The following CASK variants were observed in gnomAD, a reference collection of about 807,000 sequenced individuals.
CASK encodes calcium/calmodulin dependent serine protein kinase.
CASK carries 4 observed loss-of-function variants against 82.9 expected under a neutral mutation model. The ratio of observed to expected loss-of-function variants is 0.05; its 90% CI spans 0.02 to 0.11. The LOEUF (loss-of-function observed/expected upper bound fraction) is 0.11, where lower values mean the gene tolerates loss of function less well. Ranked by LOEUF, CASK falls within the 10% of genes least tolerant of loss-of-function variation. The pLI is 1.00. For synonymous variants in CASK, 259 were observed against 253.5 expected (o/e 1.02, Z -0.20); for missense variants, 358 against 720.9 (o/e 0.50, Z 5.76).
rs201118748 is a variant in CASK at position 41,695,832 on chromosome X, G to C, written c.430-24302C>G. The C allele has an allele frequency of 7.5e-6, 9 of 1,201,352 alleles. No individual in the cohort carries two copies. The Admixed American group carries it at 1.3e-4, about 18-fold the overall frequency. On this transcript the variant is annotated intron_variant, in intron 5 of 26. Coordinates refer to ENST00000378163, the MANE Select transcript of CASK (RefSeq NM_001367721.1). ...CACATCCTACTCTGTTATTTTCATC[G>C]TGGGACTGGTTGGGAACATAATCGC... is the stretch of plus-strand genomic sequence containing the variant.
At chrX:41,831,401 G>A (rs1393364832) in intron 2 of CASK, among the ~76,000 whole-genome samples, 1 of 111,530 alleles carries the variant, frequency 9.0e-6, no homozygotes, top group Non-Finnish European at 1.9e-5. Context: ...TTTTTGCAGG[G>A]TTTCTCTGAA....
chrX:41,534,426 CA>C (rs1699742815), intron 24 of CASK, among the ~76,000 whole-genome samples: 1 of 109,086 alleles, frequency 9.2e-6, no homozygotes, highest in Non-Finnish European at 1.9e-5. Context: ...CACACACACA[CA>C]CACACACTTT....
chrX:41,644,440 G>T (rs2066718631), intron 8 of CASK, among the ~76,000 whole-genome samples: 1 of 111,941 alleles, frequency 8.9e-6, no homozygotes, highest in South Asian at 3.7e-4. Flanking sequence ...TCCTATGCCT[G>T]TCTTTACTTT....
intron 2 of CASK, among the ~76,000 whole-genome samples, chrX:41,806,916 T>C (rs1030858241): frequency 1.8e-5 from 2 of 111,489 alleles, no homozygotes; most frequent in African/African-American, 6.5e-5. Flanking sequence ...ATAGAAAACA[T>C]ACTTCTTTGA....
chrX:41,803,235 G>A (rs1054015223), intron 2 of CASK, among the ~76,000 whole-genome samples: 2 of 110,996 alleles, frequency 1.8e-5, no homozygotes, highest in Admixed American at 9.6e-5. Context: ...TGAATGTACC[G>A]AGGAAAGTTA....
At chrX:41,680,385 G>A (rs1046212380) in intron 5 of CASK, among the ~76,000 whole-genome samples, 6 of 109,592 alleles carry the variant, frequency 5.5e-5, no homozygotes, top group African/African-American at 2.0e-4. Context: ...AGGAGGCTGA[G>A]GCAGGAGAAT....
At chrX:41,537,040 A>T (rs1401760186) in intron 22 of CASK, among the ~76,000 whole-genome samples, 1 of 112,161 alleles carries the variant, frequency 8.9e-6, no homozygotes, top group East Asian at 2.8e-4. Flanking sequence ...ATGATGACAC[A>T]AGCTTTCCGA....
chrX:41,753,307 T>TA (rs1347512081), intron 3 of CASK, among the ~76,000 whole-genome samples: 1,047 of 103,844 alleles, frequency 0.01, 16 homozygotes, highest in African/African-American at 0.034. Context: ...TCAGTTCTGT[T>TA]AAAAAAAAAA....
chrX:41,538,145 C>T, intron 22 of CASK, among the ~76,000 whole-genome samples: 1 of 111,302 alleles, frequency 9.0e-6, no homozygotes. Context: ...TGCGCACAGC[C>T]TATTATTATT....
At chrX:41,679,690 C>T (rs1236641386) in intron 5 of CASK, among the ~76,000 whole-genome samples, 1 of 111,092 alleles carries the variant, frequency 9.0e-6, no homozygotes, top group Non-Finnish European at 1.9e-5. Context: ...TAATCAGTTG[C>T]TGCCTTTACA....
At chrX:41,680,463 A>G (rs2067333666) in intron 5 of CASK, among the ~76,000 whole-genome samples, 1 of 108,765 alleles carries the variant, frequency 9.2e-6, no homozygotes, top group South Asian at 4.0e-4. Flanking sequence ...GCCTGGCGAC[A>G]AAGCGAGACT....
At chrX:41,651,466 A>G (rs1222815364) in intron 8 of CASK, among the ~76,000 whole-genome samples, 1 of 112,222 alleles carries the variant, frequency 8.9e-6, no homozygotes, top group Admixed American at 9.4e-5. Flanking sequence ...TGAGTATCAG[A>G]GAGGTGAATG....
At chrX:41,646,784 G>A (rs1040417382) in intron 8 of CASK, among the ~76,000 whole-genome samples, 1 of 111,080 alleles carries the variant, frequency 9.0e-6, no homozygotes, top group Non-Finnish European at 1.9e-5. Flanking sequence ...CAAACCGTCC[G>A]ATGCATCAAT....
chrX:41,652,420 C>G (rs2066878123), intron 8 of CASK, among the ~76,000 whole-genome samples: 1 of 112,147 alleles, frequency 8.9e-6, no homozygotes, highest in Non-Finnish European at 1.9e-5. Context: ...TGGTCTACAG[C>G]TCCGTTTCCT....
chrX:41,613,629 T>TAAAAAA (rs767946526), intron 11 of CASK, among the ~76,000 whole-genome samples: 1 of 49,894 alleles, frequency 2.0e-5, no homozygotes, highest in Non-Finnish European at 4.0e-5. Flanking sequence ...AATGATCAAT[T>TAAAAAA]AAAAAAAAAA....
At chrX:41,847,665 A>G (rs1267532524) in intron 2 of CASK, among the ~76,000 whole-genome samples, 1 of 112,233 alleles carries the variant, frequency 8.9e-6, no homozygotes, top group Non-Finnish European at 1.9e-5. Context: ...AACTCTAAAA[A>G]TCAGAATCTC....
intron 2 of CASK, among the ~76,000 whole-genome samples, chrX:41,832,968 A>G (rs2070853055): frequency 8.9e-6 from 1 of 111,934 alleles, no homozygotes; most frequent in Admixed American, 9.5e-5. Flanking sequence ...TATGGAATTA[A>G]GTAGACATAG....
intron 2 of CASK, among the ~76,000 whole-genome samples, chrX:41,833,390 A>T (rs2070864191): frequency 8.9e-6 from 1 of 112,150 alleles, no homozygotes; most frequent in Non-Finnish European, 1.9e-5. Context: ...GCCAGATGCA[A>T]CACATATTCT....
intron 5 of CASK, among the ~76,000 whole-genome samples, chrX:41,691,525 A>G (rs1241347854): frequency 9.0e-6 from 1 of 110,921 alleles, no homozygotes; most frequent in Non-Finnish European, 1.9e-5. Context: ...TGGGCTCTAA[A>G]AGTCAGATCT....
Sources: allele counts gnomAD v4.1 joint callset (sites outside exome capture counted in the v4.1 genomes callset), GRCh38; gene constraint gnomAD v4.1.1; transcripts MANE v1.5; gene names NCBI Gene and HGNC (gene_info 2026-07-23, HGNC 2026-07-21).